GPRIN2: variants seen among roughly 807,000 people sequenced by gnomAD.
The protein encoded by GPRIN2 is G protein-regulated inducer of neurite outgrowth 2.
A neutral mutation model predicts 0.3 loss-of-function variants in GPRIN2; 1 was observed. The ratio of observed to expected loss-of-function variants is 3.90; its 90% CI spans 1.39 to 18.51. The LOEUF (loss-of-function observed/expected upper bound fraction) is 18.51. Ranked by LOEUF, GPRIN2 falls within the 30% of genes most tolerant of loss-of-function variation. The pLI, the probability that GPRIN2 is intolerant of heterozygous loss-of-function variation, is 0.11. For missense variants in GPRIN2, 880 were observed against 604.2 expected (o/e 1.46, Z -4.79); for synonymous variants, 361 against 258.6 (o/e 1.40, Z -3.80).
chr10:46,544,669 A>C lies in GPRIN2; in HGVS notation c.*4691T>G, dbSNP rs1039916373. 2.0e-5 allele frequency among the ~76,000 whole-genome samples: 3 copies of C among 152,304 alleles called. No individual in the cohort carries two copies. Among genetic ancestry groups the C allele is most frequent in the Non-Finnish European group, 4.4e-5 (3 of 68,054 alleles). On this transcript the variant is annotated 3_prime_UTR_variant, in exon 3 of 3. Transcript: ENST00000374314. ...GCTGTTGCTCTCAGACTTGCAGAAC[A>C]ACCTATTAAACAGAAGTAGGTAAAA...
chr10:46,542,074 CA>C lies in GPRIN2; in HGVS notation c.*7285del, dbSNP rs1368519361. On this transcript the variant is annotated 3_prime_UTR_variant, in exon 3 of 3. Transcript: ENST00000374314. ...AGTTGCAGGCTGGGCTTACAAAAGC[CA>C]CAAAGCTTGTGTACAAAATGACACC... is the stretch of plus-strand genomic sequence containing the variant. Among the ~76,000 whole-genome samples, 6 of 152,310 alleles carry C rather than the reference CA, an allele frequency of 3.9e-5. No individual in the cohort carries two copies. Among genetic ancestry groups the C allele is most frequent in the Non-Finnish European group, 8.8e-5 (6 of 68,056 alleles).
In GPRIN2 at chr10:46,542,879, G is replaced by A. The variant is rs1287660659; in HGVS notation, c.*6481C>T. Among the ~76,000 whole-genome samples the A allele has an allele frequency of 6.6e-6, 1 of 152,308 alleles. No homozygotes were observed. Among genetic ancestry groups the A allele is most frequent in the Non-Finnish European group, 1.5e-5 (1 of 68,054 alleles). ...TTCTGAAAACATGGATGAGGAGATGGCCTGCCTAAAGCCAGCAGATGGGTG... is the reference window on the plus strand; with the variant it reads ...TTCTGAAAACATGGATGAGGAGATGACCTGCCTAAAGCCAGCAGATGGGTG... On this transcript the variant is annotated 3_prime_UTR_variant, in exon 3 of 3. Transcript: ENST00000374314.
rs1428434883 is a variant in GPRIN2 at position 46,542,596 on chromosome 10, G to C, written c.*6764C>G. On this transcript the variant is annotated 3_prime_UTR_variant, in exon 3 of 3. Coordinates refer to ENST00000374314, the MANE Select transcript of GPRIN2 (RefSeq NM_001385282.1). ...TCCTGTAAGTTTCCTGAGGCTCCCCGGGCCACGTGGAACTGTGAGTCAATT... is the reference window on the plus strand; with the variant it reads ...TCCTGTAAGTTTCCTGAGGCTCCCCCGGCCACGTGGAACTGTGAGTCAATT... Among the ~76,000 whole-genome samples, 1 of 152,416 alleles carries C rather than the reference G, an allele frequency of 6.6e-6. No homozygotes were observed. Among genetic ancestry groups the C allele is most frequent in the Non-Finnish European group, 1.5e-5 (1 of 68,046 alleles).
At position 46,550,011 on chromosome 10, in the gene GPRIN2, C is replaced by T. The variant is rs1345476624; in HGVS notation, c.726G>A (p.Arg242=). ...GTAGGGCATGGCAGCAGCCACCAGC[C>T]CTCACCTCCCTCATGCCACAGAGTA... The part of the protein sequence containing the change: ...AALLCGMREV[R]AGGCCHALPA... Residue 242 remains arginine, a synonymous_variant, in exon 3 of 3, where the codon AGG becomes AGA. Transcript: ENST00000374314. The T allele has an allele frequency of 6.2e-7, 1 of 1,614,032 alleles. No individual in the cohort carries two copies. The highest frequency in any genetic ancestry group is 8.5e-7 in the Non-Finnish European group (1 of 1,179,922).
chr10:46,556,423 T>C (rs1843235684), intron 1 of GPRIN2, among the ~76,000 whole-genome samples, 75 bp downstream of exon 1: 2 of 152,284 alleles, frequency 1.3e-5, no homozygotes, highest in Non-Finnish European at 2.9e-5. Flanking sequence ...GAGTGGGTTC[T>C]GAGGCTCAGC....
rs1832482015 is a variant in GPRIN2 at position 46,550,107 on chromosome 10, A to G, written c.630T>C (p.Ser210=). The G allele has an allele frequency of 6.2e-7, 1 of 1,611,598 alleles. No homozygotes were observed. The highest frequency in any genetic ancestry group is 2.2e-5 in the East Asian group (1 of 44,864). Residue 210 remains serine, a synonymous_variant, in exon 3 of 3, where the codon AGT becomes AGC. Transcript: ENST00000374314. ...DLGDTTAHSS[S]AQAEPKAAEQ... Reference sequence around the variant, plus strand: ...CAGCAGCTTTGGGCTCAGCCTGGGCACTGCTGCTGTGGGCAGTTGTGTCCC... The same window carrying G: ...CAGCAGCTTTGGGCTCAGCCTGGGCGCTGCTGCTGTGGGCAGTTGTGTCCC...
In GPRIN2 at chr10:46,549,911, C is replaced by T. The variant is rs1832553536; in HGVS notation, c.826G>A (p.Val276Met). The T allele has an allele frequency of 6.8e-6, 11 of 1,614,208 alleles. No individual in the cohort carries two copies. The highest frequency in any genetic ancestry group is 8.5e-6 in the Non-Finnish European group (10 of 1,179,994). Residue 276 changes from valine (V) to methionine (M), a missense_variant, in exon 3 of 3, where the codon GTG becomes ATG. Transcript: ENST00000374314. ...CCAGACAACCTACAGTGGATCTTCA[C>T]CCCATGCTGAGCCTGCAGCCCAGAC... ...SESGLQAQHG[V>M]KIHCRLSGGL...
Position 46,542,777 on chromosome 10 carries a change from T to C in GPRIN2, c.*6583A>G, listed in dbSNP as rs1161894090. 1.3e-5 allele frequency among the ~76,000 whole-genome samples: 2 copies of C among 152,302 alleles called. No individual in the cohort carries two copies. The highest frequency in any genetic ancestry group is 2.9e-5 in the Non-Finnish European group (2 of 68,052). On this transcript the variant is annotated 3_prime_UTR_variant, in exon 3 of 3. Coordinates refer to ENST00000374314, the MANE Select transcript of GPRIN2 (RefSeq NM_001385282.1). ...TCCAGTTCCTGACAGCAGAGAAGCA[T>C]ACAGGTGGGACAGTGCAGTGTGTCC...
chr10:46,555,757 G>A (rs1843130450), intron 1 of GPRIN2, among the ~76,000 whole-genome samples: 2 of 152,306 alleles, frequency 1.3e-5, no homozygotes, highest in Non-Finnish European at 2.9e-5. Flanking sequence ...GGGGCACCTA[G>A]GTGGAGAGGG....
Position 46,549,677 on chromosome 10 carries a change from G to T in GPRIN2, c.1060C>A (p.Leu354Met), listed in dbSNP as rs1842455232. The change falls in exon 3 of 3, where the codon CTG (leucine) becomes ATG (methionine). Residue 354 changes from leucine to methionine, a missense_variant. Coordinates refer to ENST00000374314, the MANE Select transcript of GPRIN2 (RefSeq NM_001385282.1). ...ACKAVATSPS[L>M]EAPAALHVFP... ...ACATGCAGGGCTGCAGGCGCTTCCAGGGACGGACTGGTGGCCACAGCCTTG... is the reference window on the plus strand; with the variant it reads ...ACATGCAGGGCTGCAGGCGCTTCCATGGACGGACTGGTGGCCACAGCCTTG... 3.1e-6 allele frequency: 5 copies of T among 1,614,132 alleles called. No individual in the cohort carries two copies. Among genetic ancestry groups the T allele is most frequent in the Non-Finnish European group, 1.7e-6 (2 of 1,179,968 alleles).
In GPRIN2 at chr10:46,549,027, T is replaced by C; in HGVS notation, c.*333A>G. ...CCACCAAGAGTCTGACGAGGCAACATGGCAGAGTTCTGAGGGTGGAGTGAA... is the reference window on the plus strand; with the variant it reads ...CCACCAAGAGTCTGACGAGGCAACACGGCAGAGTTCTGAGGGTGGAGTGAA... On this transcript the variant is annotated 3_prime_UTR_variant, in exon 3 of 3. Transcript: ENST00000374314. The C allele has an allele frequency of 2.6e-6, 1 of 378,708 alleles. No homozygotes were observed. Among genetic ancestry groups the C allele is most frequent in the Non-Finnish European group, 4.9e-6 (1 of 205,794 alleles). The allele number at this position is 378,708 out of a possible 1,614,324, so 23.5% of individuals were successfully genotyped here. A position where few individuals can be genotyped will look rare whatever the true frequency, so the allele number is the denominator to read the frequency against.
chr10:46,554,472 A>C (rs1842955201), intron 2 of GPRIN2, 113 bp downstream of exon 2: 1 of 152,884 alleles, frequency 6.5e-6, no homozygotes, highest in South Asian at 2.1e-4. Flanking sequence ...CCTTTATAAC[A>C]ACACAGAAGG....
chr10:46,553,165 T>C (rs1832065617), intron 2 of GPRIN2, among the ~76,000 whole-genome samples: 3 of 152,428 alleles, frequency 2.0e-5, no homozygotes, highest in Middle Eastern at 6.8e-3. Context: ...CACACACCTG[T>C]GGGGCAGCTG....
chr10:46,548,962 T>A lies in GPRIN2; in HGVS notation c.*398A>T, dbSNP rs1842408369. On this transcript the variant is annotated 3_prime_UTR_variant, in exon 3 of 3. Transcript: ENST00000374314. ...TGTCACTGGGGCCTCACATTTCATG[T>A]CGAGAATTCACTATTTCTCAGCACT... 1 of 240,896 alleles carries A rather than the reference T, an allele frequency of 4.2e-6. No homozygotes were observed. Among genetic ancestry groups the A allele is most frequent in the Admixed American group, 5.7e-5 (1 of 17,484 alleles). The allele number at this position is 240,896 out of a possible 1,614,324, so 14.9% of individuals were successfully genotyped here. A position where few individuals can be genotyped will look rare whatever the true frequency, so the allele number is the denominator to read the frequency against.
chr10:46,551,389 A>C, intron 2 of GPRIN2: 13 of 985,464 alleles, frequency 1.3e-5, no homozygotes, highest in Non-Finnish European at 1.6e-5. Context: ...CTGAGCTGGC[A>C]TGTCTCTGGG....
upstream of GPRIN2, among the ~76,000 whole-genome samples, chr10:46,557,136 T>G (rs1831752014): frequency 1.3e-5 from 2 of 151,742 alleles, no homozygotes; most frequent in East Asian, 3.9e-4. Flanking sequence ...CCTCTCACAA[T>G]TCTCTGGCTC....
In GPRIN2 at chr10:46,549,598, C is replaced by A; in HGVS notation, c.1139G>T (p.Arg380Leu). 6.2e-7 allele frequency: 1 copy of A among 1,613,436 alleles called. No homozygotes were observed. Among genetic ancestry groups the A allele is most frequent in the South Asian group, 1.1e-5 (1 of 91,068 alleles). Residue 380 changes from arginine (R) to leucine (L), a missense_variant, in exon 3 of 3, where the codon CGG becomes CTG. Arg to Leu is a moderately radical substitution (Grantham distance 102). Transcript: ENST00000374314. ...GCCCTCAGCATCCCATCGCACATCC[C>A]GCACAGGGGACGGCACCTCCTCCAG... is the stretch of plus-strand genomic sequence containing the variant. ...SSLEEVPSPV[R>L]DVRWDAEGMT... is the part of the protein sequence containing the mutation.
chr10:46,557,043 T>G (rs1372627992), upstream of GPRIN2, among the ~76,000 whole-genome samples: 2 of 43,186 alleles, frequency 4.6e-5, no homozygotes, highest in Admixed American at 2.5e-4. Flanking sequence ...CTCGCTCCAG[T>G]TCCCCCTCCG....
intron 2 of GPRIN2, among the ~76,000 whole-genome samples, chr10:46,552,891 G>A (rs1374738112): frequency 1.3e-5 from 2 of 152,430 alleles, no homozygotes; most frequent in East Asian, 3.8e-4. Flanking sequence ...AGGAGGAGTA[G>A]CCAAGAGAGA....
Sources: allele counts gnomAD v4.1 joint callset (sites outside exome capture counted in the v4.1 genomes callset), GRCh38; gene constraint gnomAD v4.1.1; transcripts MANE v1.5; gene names NCBI Gene and HGNC (gene_info 2026-07-23, HGNC 2026-07-21).